Variants in TIMM23B observed in about 807,000 individuals in gnomAD.
TIMM23B encodes the protein mitochondrial import inner membrane translocase subunit Tim23B.
Under a neutral mutation model 27.3 loss-of-function variants are expected in TIMM23B, and 27 were observed. The ratio of observed to expected loss-of-function variants is 0.99; its 90% CI spans 0.73 to 1.36. TIMM23B has a LOEUF of 1.36. Ranked by LOEUF, TIMM23B falls within the 40% of genes most tolerant of loss-of-function variation. TIMM23B has a pLI of 0.00. For synonymous variants in TIMM23B, 73 were observed against 92.4 expected, an observed-to-expected ratio of 0.79 and a Z score of 1.21; for missense variants, 205 against 244.2, an observed-to-expected ratio of 0.84 and a Z score of 1.07.
chr10:49,944,127 A>G (rs1383117406), intron 1 of TIMM23B, among the ~76,000 whole-genome samples: 2 of 152,216 alleles, frequency 1.3e-5, no homozygotes, highest in African/African-American at 2.4e-5. Flanking sequence ...GAGGTAGGGA[A>G]TGACAGCTAA....
chr10:49,944,107 T>A (rs1357958810), intron 1 of TIMM23B, among the ~76,000 whole-genome samples: 1 of 152,210 alleles, frequency 6.6e-6, no homozygotes, highest in African/African-American at 2.4e-5. Context: ...TTGAAGCTTG[T>A]GAAATCAGAG....
At chr10:49,963,615 G>A (rs1274161939) in intron 6 of TIMM23B, among the ~76,000 whole-genome samples, 1 of 152,028 alleles carries the variant, frequency 6.6e-6, no homozygotes, top group Non-Finnish European at 1.5e-5. Context: ...GGGTGATAGA[G>A]TGAGACTCCG....
At chr10:49,969,952 G>A (rs1554856182) in intron 6 of TIMM23B, 1 of 165,326 alleles carries the variant, frequency 6.0e-6, no homozygotes, top group African/African-American at 2.4e-5. Context: ...CGCCACGCCT[G>A]ACTGGTTTTT....
At chr10:49,951,863 CT>C (rs1839540828) in intron 2 of TIMM23B, among the ~76,000 whole-genome samples, 1 of 152,212 alleles carries the variant, frequency 6.6e-6, no homozygotes, top group Non-Finnish European at 1.5e-5. Flanking sequence ...TTTCTAAACA[CT>C]TTTGCACAAA....
intron 6 of TIMM23B, among the ~76,000 whole-genome samples, chr10:49,966,725 A>T (rs1479429566): frequency 2.3e-4 from 35 of 152,158 alleles, no homozygotes; most frequent in African/African-American, 8.2e-4. Context: ...CTTGGGAGGC[A>T]GAGAGAGGAG....
intron 6 of TIMM23B, among the ~76,000 whole-genome samples, chr10:49,971,154 C>T (rs1351071475): frequency 1.3e-5 from 2 of 152,036 alleles, no homozygotes; most frequent in Non-Finnish European, 2.9e-5. Flanking sequence ...GTCATCACCG[C>T]TCCCTAATCT....
At chr10:49,970,673 G>C (rs1261674462) in intron 6 of TIMM23B, among the ~76,000 whole-genome samples, 1 of 149,602 alleles carries the variant, frequency 6.7e-6, no homozygotes, top group African/African-American at 2.5e-5. Flanking sequence ...GTGGGGGGCA[G>C]CCCCTGCCCC....
intron 6 of TIMM23B, among the ~76,000 whole-genome samples, chr10:49,970,734 C>T (rs1283788304): frequency 1.5e-4 from 23 of 150,786 alleles, no homozygotes; most frequent in Non-Finnish European, 2.7e-4. Context: ...GCCCGGCTGC[C>T]GCCCCGTCTG....
chr10:49,958,158 C>G (rs1296368061), intron 5 of TIMM23B, among the ~76,000 whole-genome samples: 37 of 152,144 alleles, frequency 2.4e-4, no homozygotes, highest in African/African-American at 8.7e-4. Context: ...CCCAGTAATA[C>G]AACAAAAGAC....
chr10:49,947,603 C>T (rs1415369260), intron 2 of TIMM23B, among the ~76,000 whole-genome samples: 4 of 151,268 alleles, frequency 2.6e-5, no homozygotes, highest in East Asian at 1.9e-4. Flanking sequence ...GAGTAAGACT[C>T]GGTCTCAAAA....
chr10:49,949,744 A>G (rs1386514306), intron 2 of TIMM23B, among the ~76,000 whole-genome samples: 1 of 151,144 alleles, frequency 6.6e-6, no homozygotes, highest in Admixed American at 6.6e-5. Flanking sequence ...GATAATAGAA[A>G]TTACATTTTG....
At chr10:49,957,967 T>TAC (rs1839781120) in intron 5 of TIMM23B, among the ~76,000 whole-genome samples, 1 of 152,174 alleles carries the variant, frequency 6.6e-6, no homozygotes, top group Non-Finnish European at 1.5e-5. Context: ...ATGGGGGTCT[T>TAC]ACAGCCTGCA....
At chr10:49,967,567 A>G (rs1282131119) in intron 6 of TIMM23B, among the ~76,000 whole-genome samples, 2 of 150,664 alleles carry the variant, frequency 1.3e-5, no homozygotes, top group East Asian at 2.0e-4. Context: ...CTCTTCTACA[A>G]TTGCAATGGA....
intron 2 of TIMM23B, among the ~76,000 whole-genome samples, chr10:49,951,627 C>G (rs1396707779): frequency 6.6e-6 from 1 of 152,014 alleles, no homozygotes; most frequent in Non-Finnish European, 1.5e-5. Context: ...AATATATACT[C>G]CTTAAACAGA....
At chr10:49,969,065 TTTCACC>T (rs200111601) in intron 6 of TIMM23B, among the ~76,000 whole-genome samples, 10,489 of 152,172 alleles carry the variant, frequency 0.069, 438 homozygotes, top group African/African-American at 0.12. Context: ...GGTATTTTAT[TTTCACC>T]TAAGCCATTT....
intron 2 of TIMM23B, among the ~76,000 whole-genome samples, chr10:49,946,016 G>A (rs1388756818): frequency 6.6e-6 from 1 of 152,272 alleles, no homozygotes; most frequent in South Asian, 2.1e-4. Flanking sequence ...ATAGCGAAAC[G>A]CTGTTTCTAC....
intron 2 of TIMM23B, among the ~76,000 whole-genome samples, chr10:49,950,914 G>A (rs1839510642): frequency 6.6e-6 from 1 of 152,120 alleles, no homozygotes; most frequent in Admixed American, 6.5e-5. Context: ...CAGCAACCAT[G>A]GCCTGAGACT....
Position 49,942,265 on chromosome 10 carries a change from C to G in TIMM23B, c.71C>G (p.Ala24Gly). Residue 24 changes from alanine (A) to glycine (G), a missense_variant, in exon 1 of 7, where the codon GCA (alanine) becomes GGA (glycine). Transcript: ENST00000651259. ...VLAGFFGAGEAGYSHADLAGV... is the reference protein window; with the variant it reads ...VLAGFFGAGEGGYSHADLAGV... ...GCCGGCTTTTTCGGAGCCGGCGAAG[C>G]AGGTTACTCGCACGCGGATTTGGCT... is the stretch of plus-strand genomic sequence containing the variant. 3 of 1,612,672 alleles carry G rather than the reference C, an allele frequency of 1.9e-6. No homozygotes were observed. Among genetic ancestry groups the G allele is most frequent in the Admixed American group, 1.7e-5 (1 of 59,914 alleles).
intron 2 of TIMM23B, among the ~76,000 whole-genome samples, chr10:49,948,641 T>TA (rs1307202906): frequency 2.0e-5 from 3 of 152,222 alleles, no homozygotes; most frequent in African/African-American, 7.2e-5. Context: ...GTTCCATTTA[T>TA]ATGGAATGTC....
Sources: allele counts gnomAD v4.1 joint callset (sites outside exome capture counted in the v4.1 genomes callset), GRCh38; gene constraint gnomAD v4.1.1; transcripts MANE v1.5; gene names NCBI Gene and HGNC (gene_info 2026-07-23, HGNC 2026-07-21).